Variants in MITF observed in about 807,000 individuals in gnomAD.
The protein encoded by MITF is microphthalmia-associated transcription factor.
A neutral mutation model predicts 60.5 loss-of-function variants in MITF; 17 were observed. The ratio of observed to expected loss-of-function variants is 0.28; its 90% CI spans 0.19 to 0.42. MITF has a LOEUF of 0.42. MITF is among the 10% of genes least tolerant of loss of function. The pLI, the probability that MITF is intolerant of heterozygous loss-of-function variation, is 1.00. For synonymous variants in MITF, 260 were observed against 248.5 expected (o/e 1.05, Z -0.43); for missense variants, 622 against 683.5 (o/e 0.91, Z 1.00).
At chr3:69,773,132 G>C (rs2062419021) in intron 1 of MITF, among the ~76,000 whole-genome samples, 2 of 152,132 alleles carry the variant, frequency 1.3e-5, no homozygotes, top group Non-Finnish European at 2.9e-5. Flanking sequence ...GCCAGTATTT[G>C]GGGGCAAAGC....
chr3:69,823,206 G>A (rs1229511790), intron 1 of MITF, among the ~76,000 whole-genome samples: 1 of 152,054 alleles, frequency 6.6e-6, no homozygotes, highest in Non-Finnish European at 1.5e-5. Flanking sequence ...TAGCTTTTCT[G>A]TGTCTTTAGA....
Position 69,800,725 on chromosome 3 carries a change from C to T in MITF, c.104+61024C>T, listed in dbSNP as rs113945541. The stretch of plus-strand genomic sequence containing the variant: ...CTCTTCGTGGCCTTAATTAGTTCCT[C>T]CCCCCTTTTCATTTAAAAAAAAATT... On this transcript the variant is annotated intron_variant, in intron 1 of 9. Coordinates refer to ENST00000352241, the MANE Select transcript of MITF (RefSeq NM_001354604.2). 4.3e-3 allele frequency among the ~76,000 whole-genome samples: 660 copies of T among 152,150 alleles called. 6 individuals carry two copies. The highest frequency in any genetic ancestry group is 0.015 in the African/African-American group (612 of 41,500).
At chr3:69,897,993 C>T (rs1182819970) in intron 2 of MITF, among the ~76,000 whole-genome samples, 2 of 152,124 alleles carry the variant, frequency 1.3e-5, no homozygotes, top group African/African-American at 2.4e-5. Context: ...GCATGTTCTT[C>T]GTTTTAGGAT....
intron 1 of MITF, among the ~76,000 whole-genome samples, chr3:69,752,770 A>G (rs1703980867): frequency 6.6e-6 from 1 of 152,182 alleles, no homozygotes; most frequent in South Asian, 2.1e-4. Flanking sequence ...TGTTCTCATA[A>G]TAGTGAGTGA....
chr3:69,884,635 G>A (rs959321358), intron 2 of MITF, among the ~76,000 whole-genome samples: 1 of 152,142 alleles, frequency 6.6e-6, no homozygotes, highest in Non-Finnish European at 1.5e-5. Context: ...TCTCTGGGCT[G>A]ACACAAGAAA....
intron 1 of MITF, among the ~76,000 whole-genome samples, chr3:69,748,872 C>T (rs1048720815): frequency 1.3e-5 from 2 of 152,162 alleles, no homozygotes; most frequent in African/African-American, 4.8e-5. Flanking sequence ...TGACTTGCCT[C>T]AGTGGAAAGA....
At chr3:69,805,666 TC>T (rs377413550) in intron 1 of MITF, among the ~76,000 whole-genome samples, 32 of 151,242 alleles carry the variant, frequency 2.1e-4, no homozygotes, top group Non-Finnish European at 2.1e-4. Context: ...AATGCATCTT[TC>T]TTTTTTTAAA....
chr3:69,823,286 G>A (rs2063305145), intron 1 of MITF, among the ~76,000 whole-genome samples: 1 of 152,150 alleles, frequency 6.6e-6, no homozygotes, highest in Admixed American at 6.5e-5. Flanking sequence ...TAGCAGCTCA[G>A]GCTGCTATCA....
At chr3:69,957,403 G>T (rs970841050) in intron 8 of MITF, among the ~76,000 whole-genome samples, 3 of 152,150 alleles carry the variant, frequency 2.0e-5, no homozygotes, top group Non-Finnish European at 1.5e-5. Context: ...TGCTGTTCAC[G>T]TTACTGTTAG....
rs577158674 is a variant in MITF, at chr3:69,891,834, A to C, written c.354+12451A>C. 3.1e-4 allele frequency among the ~76,000 whole-genome samples: 47 copies of C among 152,314 alleles called. No homozygotes were observed. In the South Asian group the frequency reaches 9.5e-3, roughly 31 times the overall value. On this transcript the variant is annotated intron_variant, in intron 2 of 9. Coordinates refer to ENST00000352241, the MANE Select transcript of MITF (RefSeq NM_001354604.2). ...TGAGTTGCTCAGTGGAAGATGCAAA[A>C]TACCTAATAGCTATTTAGGGTATCT...
At chr3:69,745,632 T>C (rs1703695441) in intron 1 of MITF, among the ~76,000 whole-genome samples, 1 of 152,250 alleles carries the variant, frequency 6.6e-6, no homozygotes, top group Admixed American at 6.5e-5. Context: ...CTTCTAACCT[T>C]TCTTTAAGCT....
At chr3:69,771,072 G>C (rs996305353) in intron 1 of MITF, among the ~76,000 whole-genome samples, 1 of 152,160 alleles carries the variant, frequency 6.6e-6, no homozygotes, top group African/African-American at 2.4e-5. Context: ...AGAATTTCCA[G>C]ATCAGAAACT....
chr3:69,849,978 A>T (rs1166503242), intron 1 of MITF, among the ~76,000 whole-genome samples: 1 of 152,198 alleles, frequency 6.6e-6, no homozygotes, highest in Non-Finnish European at 1.5e-5. Flanking sequence ...AGGGATTCCT[A>T]ACCTGTGGTC....
At chr3:69,834,763 A>G (rs1204955820) in intron 1 of MITF, among the ~76,000 whole-genome samples, 2 of 151,634 alleles carry the variant, frequency 1.3e-5, no homozygotes, top group African/African-American at 4.8e-5. Context: ...GTTTTCCAAA[A>G]TGGCTGTACT....
chr3:69,935,179 A>G (rs1003640152), intron 2 of MITF, among the ~76,000 whole-genome samples: 14 of 152,200 alleles, frequency 9.2e-5, no homozygotes, highest in Non-Finnish European at 7.3e-5. Context: ...TGTCTACTGC[A>G]TAGTGTTTAT....
intron 1 of MITF, among the ~76,000 whole-genome samples, chr3:69,758,484 T>C (rs1472366212): frequency 6.6e-6 from 1 of 152,236 alleles, no homozygotes; most frequent in Non-Finnish European, 1.5e-5. Flanking sequence ...AAATATATTT[T>C]AACTGGTGTT....
At chr3:69,944,048 C>T (rs542761628) in intron 5 of MITF, among the ~76,000 whole-genome samples, 43 of 152,202 alleles carry the variant, frequency 2.8e-4, no homozygotes, top group South Asian at 1.0e-3. Context: ...GAATCATGAT[C>T]GTGCCACTGT....
chr3:69,786,440 A>T (rs536241172), intron 1 of MITF, among the ~76,000 whole-genome samples: 87 of 152,304 alleles, frequency 5.7e-4, no homozygotes, highest in African/African-American at 1.6e-3. Context: ...TAATGTTCAT[A>T]TCAAATATCT....
At chr3:69,850,546 G>T (rs1046153068) in intron 1 of MITF, among the ~76,000 whole-genome samples, 1 of 152,190 alleles carries the variant, frequency 6.6e-6, no homozygotes, top group Non-Finnish European at 1.5e-5. Context: ...AGGTTCTCAT[G>T]ATTTTCCTAG....
Sources: allele counts gnomAD v4.1 joint callset (sites outside exome capture counted in the v4.1 genomes callset), GRCh38; gene constraint gnomAD v4.1.1; transcripts MANE v1.5; gene names NCBI Gene and HGNC (gene_info 2026-07-23, HGNC 2026-07-21).